The following FRMD4A variants were observed in gnomAD, a reference collection of about 807,000 sequenced individuals.
FRMD4A encodes FERM domain-containing protein 4A.
FRMD4A carries 29 observed loss-of-function variants against 129.1 expected under a neutral mutation model. The ratio of observed to expected loss-of-function variants is 0.22; its 90% confidence interval spans 0.17 to 0.31. The LOEUF is 0.31. Among genes scored for constraint, FRMD4A ranks in the 10% least tolerant of loss-of-function variants. The pLI is 1.00. For synonymous variants in FRMD4A, 634 were observed against 571.6 expected (o/e 1.11, Z -1.56); for missense variants, 1,272 against 1,375.8 (o/e 0.92, Z 1.19).
chr10:14,276,009 G>C (rs1845327365), intron 2 of FRMD4A, among the ~76,000 whole-genome samples: 1 of 152,194 alleles, frequency 6.6e-6, no homozygotes, highest in Non-Finnish European at 1.5e-5. Flanking sequence ...CTGCTCTCCA[G>C]TCTGGACAAC....
In FRMD4A at chr10:13,798,666, G is replaced by T. The variant is rs144789707; in HGVS notation, c.207-2078C>A. Among the ~76,000 whole-genome samples the T allele has an allele frequency of 8.5e-3, 1,295 of 152,298 alleles. 8 individuals carry two copies. The highest frequency in any genetic ancestry group is 0.027 in the African/African-American group (1,116 of 41,558). On this transcript the variant is annotated intron_variant, in intron 4 of 24. Coordinates refer to ENST00000357447, the MANE Select transcript of FRMD4A (RefSeq NM_018027.5). ...TGGGAGGTGGAGCTTGCAGTGAGCC[G>T]AGATGGCGCCACCGCACTCCAGCCT...
At position 13,701,485 on chromosome 10, in the gene FRMD4A, A is replaced by G; in HGVS notation, c.837-7T>C. On this transcript the variant is annotated splice_polypyrimidine_tract_variant and splice_region_variant and intron_variant, in intron 13 of 24. Coordinates refer to ENST00000357447, the MANE Select transcript of FRMD4A (RefSeq NM_018027.5). ...CCTCCTTGTCACTGAAGCCCTGGGGAAGCAAGAATCACAAGGTTCAATCCC... is the reference window on the plus strand; with the variant it reads ...CCTCCTTGTCACTGAAGCCCTGGGGGAGCAAGAATCACAAGGTTCAATCCC... 3 of 1,611,426 alleles carry G rather than the reference A, an allele frequency of 1.9e-6. No individual in the cohort carries two copies. Among genetic ancestry groups the G allele is most frequent in the South Asian group, 1.1e-5 (1 of 90,776 alleles).
chr10:14,217,116 GTTTAAACAT>G (rs1207852555), intron 2 of FRMD4A, among the ~76,000 whole-genome samples: 1 of 152,162 alleles, frequency 6.6e-6, no homozygotes, highest in East Asian at 1.9e-4. Context: ...TATCCTTTTA[GTTTAAACAT>G]TTTACTATAC....
At chr10:14,128,837 C>T (rs12571310) in intron 2 of FRMD4A, among the ~76,000 whole-genome samples, 23,719 of 152,026 alleles carry the variant, frequency 0.16, 2,099 homozygotes, top group Non-Finnish European at 0.2. Flanking sequence ...AACCTCACTT[C>T]CTTCCATCTG....
Position 13,987,312 on chromosome 10 carries a change from CT to C in FRMD4A, c.46-128401del, listed in dbSNP as rs963605691. Among the ~76,000 whole-genome samples, 76 of 152,244 alleles carry C rather than the reference CT, an allele frequency of 5.0e-4. 1 individual carries two copies. Among genetic ancestry groups the C allele is most frequent in the African/African-American group, 1.7e-3 (72 of 41,542 alleles). On this transcript the variant is annotated intron_variant, in intron 2 of 24. Coordinates refer to ENST00000357447, the MANE Select transcript of FRMD4A (RefSeq NM_018027.5). ...CCCCATATGCAGAATGGAAAATCGA[CT>C]CTTAAGAAACTTCCACCCAACTTTT...
At chr10:13,938,642 G>T (rs930303735) in intron 2 of FRMD4A, among the ~76,000 whole-genome samples, 1 of 152,156 alleles carries the variant, frequency 6.6e-6, no homozygotes, top group East Asian at 1.9e-4. Flanking sequence ...TCCTGGCAAA[G>T]CTTTATACAG....
In FRMD4A at chr10:13,963,738, C is replaced by G. The variant is rs117015400; in HGVS notation, c.46-104826G>C. 1.2e-3 allele frequency among the ~76,000 whole-genome samples: 182 copies of G among 152,268 alleles called. 3 individuals are homozygous for G. The East Asian group carries it at 0.02, about 17-fold the overall frequency. ...GTTCTACGTAATTACAAACCCTATTCTAGGTTGGTAGGTGTTCTTATATAT... is the reference window on the plus strand; with the variant it reads ...GTTCTACGTAATTACAAACCCTATTGTAGGTTGGTAGGTGTTCTTATATAT... On this transcript the variant is annotated intron_variant, in intron 2 of 24. Coordinates refer to ENST00000357447, the MANE Select transcript of FRMD4A (RefSeq NM_018027.5).
chr10:14,226,114 T>C (rs1358706440), intron 2 of FRMD4A, among the ~76,000 whole-genome samples: 1 of 152,256 alleles, frequency 6.6e-6, no homozygotes, highest in African/African-American at 2.4e-5. Context: ...GCATGTTTTT[T>C]TTAAATTTTA....
chr10:13,813,844 C>T (rs2130883960), intron 3 of FRMD4A, among the ~76,000 whole-genome samples: 1 of 152,348 alleles, frequency 6.6e-6, no homozygotes, highest in Non-Finnish European at 1.5e-5. Context: ...AAGTACATTG[C>T]TTTTGCACCA....
At chr10:14,324,132 A>T (rs1012945927) in intron 2 of FRMD4A, among the ~76,000 whole-genome samples, 18 of 152,226 alleles carry the variant, frequency 1.2e-4, no homozygotes, top group Non-Finnish European at 2.2e-4. Flanking sequence ...CGATTAGACT[A>T]ACAGAAACAG....
rs574150002 is a variant in FRMD4A at position 14,040,197 on chromosome 10, G to A, written c.46-181285C>T. On this transcript the variant is annotated intron_variant, in intron 2 of 24. Transcript: ENST00000357447. ...AATAGGAATGCAAGCCTCTGGCTCCGGGGTCAGTGATAATCACTGCTACAC... is the reference window on the plus strand; with the variant it reads ...AATAGGAATGCAAGCCTCTGGCTCCAGGGTCAGTGATAATCACTGCTACAC... Among the ~76,000 whole-genome samples the A allele has an allele frequency of 5.9e-5, 9 of 152,162 alleles. No homozygotes were observed. In the South Asian group the frequency reaches 1.2e-3, roughly 21 times the overall value.
chr10:14,249,374 A>T lies in FRMD4A; in HGVS notation c.45+80684T>A, dbSNP rs1844357355. 5.9e-5 allele frequency among the ~76,000 whole-genome samples: 9 copies of T among 151,960 alleles called. No homozygotes were observed. In the South Asian group the frequency reaches 1.9e-3, roughly 31 times the overall value. ...CTTAAAAAAAAAAAAAGAAAGAAAC[A>T]AATAGATATTGAAATAACTTTCCTA... On this transcript the variant is annotated intron_variant, in intron 2 of 24. Transcript: ENST00000357447.
At chr10:13,659,237 T>A in intron 21 of FRMD4A, 86 bp downstream of exon 21, 1 of 1,165,254 alleles carries the variant, frequency 8.6e-7, no homozygotes, top group Non-Finnish European at 1.3e-6. Flanking sequence ...CTGTAGCTCA[T>A]CCATTATTTG....
chr10:13,919,834 A>G (rs560035536), intron 2 of FRMD4A, among the ~76,000 whole-genome samples: 2 of 152,276 alleles, frequency 1.3e-5, no homozygotes, highest in South Asian at 2.1e-4. Context: ...GCCATTCGGG[A>G]GGCTGAGGCA....
In FRMD4A at chr10:13,740,224, T is replaced by C. The variant is rs754916674; in HGVS notation, c.642A>G (p.Pro214=). The change falls in exon 11 of 25, where the codon CCA becomes CCG. Residue 214 remains proline (P), a synonymous_variant. Coordinates refer to ENST00000357447, the MANE Select transcript of FRMD4A (RefSeq NM_018027.5). ...CTGCATAATAGTGAACCCCGTAGGTTGGGAGAGACTCCACGATGCTCATGT... is the reference window on the plus strand; with the variant it reads ...CTGCATAATAGTGAACCCCGTAGGTCGGGAGAGACTCCACGATGCTCATGT... The part of the protein sequence containing the change: ...VNYMSIVESL[P]TYGVHYYAVK... The C allele has an allele frequency of 9.9e-6, 16 of 1,610,152 alleles. No individual in the cohort carries two copies. Among genetic ancestry groups the C allele is most frequent in the Non-Finnish European group, 1.4e-5 (16 of 1,176,514 alleles).
intron 2 of FRMD4A, among the ~76,000 whole-genome samples, chr10:13,951,497 T>G (rs2131335210): frequency 6.6e-6 from 1 of 151,750 alleles, no homozygotes; most frequent in South Asian, 2.1e-4. Context: ...AGAGGTGGAG[T>G]AGAAGGGCTG....
At chr10:14,260,019 A>AT (rs1163059855) in intron 2 of FRMD4A, among the ~76,000 whole-genome samples, 1 of 112,290 alleles carries the variant, frequency 8.9e-6, no homozygotes, top group East Asian at 2.7e-4. Flanking sequence ...TAGTCTAGAA[A>AT]TGGCAAAAAA....
At chr10:13,806,535 T>C (rs2093359930) in intron 4 of FRMD4A, among the ~76,000 whole-genome samples, 1 of 152,226 alleles carries the variant, frequency 6.6e-6, no homozygotes, top group South Asian at 2.1e-4. Flanking sequence ...GAGTCGTTGC[T>C]AGACCCCAAC....
chr10:13,981,712 C>T (rs1223349549), intron 2 of FRMD4A, among the ~76,000 whole-genome samples: 1 of 143,154 alleles, frequency 7.0e-6, no homozygotes, highest in Non-Finnish European at 1.5e-5. Context: ...GCACTCCAGC[C>T]TGGGCAACAG....
Sources: allele counts gnomAD v4.1 joint callset (sites outside exome capture counted in the v4.1 genomes callset), GRCh38; gene constraint gnomAD v4.1.1; transcripts MANE v1.5; gene names NCBI Gene and HGNC (gene_info 2026-07-23, HGNC 2026-07-21).